INTS7: variants seen among roughly 807,000 people sequenced by gnomAD.
INTS7 encodes integrator complex subunit 7.
Under a neutral mutation model 109.2 loss-of-function variants are expected in INTS7, and 46 were observed. The ratio of observed to expected loss-of-function variants is 0.42; its 90% confidence interval spans 0.33 to 0.54. The LOEUF is 0.54. INTS7 is among the 20% of genes least tolerant of loss of function. The pLI is 0.07. For missense variants in INTS7, 929 were observed against 1,132.4 expected (o/e 0.82, Z 2.58); for synonymous variants, 412 against 402.9 (o/e 1.02, Z -0.27).
chr1:212,021,306 G>T, intron 1 of INTS7, 94 bp from the exon 2 acceptor site: 2 of 1,023,880 alleles, frequency 2.0e-6, no homozygotes, highest in Non-Finnish European at 2.8e-6. Context: ...AGATAGTAAA[G>T]AAATAATCAT....
chr1:211,962,488 A>G (rs1171151163), intron 16 of INTS7, among the ~76,000 whole-genome samples: 1 of 152,130 alleles, frequency 6.6e-6, no homozygotes, highest in African/African-American at 2.4e-5. Context: ...AAAATTACAA[A>G]GATATTCAGG....
In INTS7 at chr1:212,027,328, C is replaced by T. The variant is rs1270878083; in HGVS notation, c.95-6116G>A. On this transcript the variant is annotated intron_variant, in intron 1 of 19. Coordinates refer to ENST00000366994, the MANE Select transcript of INTS7 (RefSeq NM_015434.4). ...CAGTTCTAGTATAAGAGGGGCTAGA[C>T]ATTTTATTTGTATTGCTTGCTACAG... Among the ~76,000 whole-genome samples the T allele has an allele frequency of 2.6e-5, 4 of 152,184 alleles. No homozygotes were observed. The East Asian group carries it at 5.8e-4, about 22-fold the overall frequency.
intron 16 of INTS7, among the ~76,000 whole-genome samples, chr1:211,964,790 C>A (rs1381871735): frequency 6.6e-6 from 1 of 152,160 alleles, no homozygotes; most frequent in Non-Finnish European, 1.5e-5. Context: ...AAACTGGACC[C>A]CTTCCTTACA....
At chr1:211,945,775 C>CT (rs1394844100) in intron 18 of INTS7, among the ~76,000 whole-genome samples, 5 of 152,214 alleles carry the variant, frequency 3.3e-5, no homozygotes, top group African/African-American at 1.2e-4. Flanking sequence ...AATTTTCTCC[C>CT]TTTTCCAACA....
chr1:211,962,552 C>T lies in INTS7; in HGVS notation c.2183+3878G>A, dbSNP rs571388803. Among the ~76,000 whole-genome samples the T allele has an allele frequency of 6.6e-5, 10 of 152,256 alleles. 1 individual carries two copies. The highest frequency in any genetic ancestry group is 1.0e-4 in the Non-Finnish European group (7 of 68,012). ...CCTGATAGACATCTACAGAACTCTC[C>T]ACCCAAAAACAACAGAATATACATT... On this transcript the variant is annotated intron_variant, in intron 16 of 19. Transcript: ENST00000366994.
Position 212,020,253 on chromosome 1 carries a change from C to T in INTS7, c.240G>A (p.Arg80=). 1.9e-6 allele frequency: 3 copies of T among 1,576,790 alleles called. No homozygotes were observed. The highest frequency in any genetic ancestry group is 1.4e-5 in the African/African-American group (1 of 73,314). Reference sequence around the variant, plus strand: ...GTTGGGTAACTTTAAGAACACATAGCCTCAGGAAATTATTTCTAGAAAAAC... The same window carrying T: ...GTTGGGTAACTTTAAGAACACATAGTCTCAGGAAATTATTTCTAGAAAAAC... The part of the protein sequence containing the change: ...DVFRVGNNFL[R]LCVLKVTQQS... Residue 80 remains arginine (R), a synonymous_variant, in exon 3 of 20, where the codon AGG becomes AGA. Coordinates refer to ENST00000366994, the MANE Select transcript of INTS7 (RefSeq NM_015434.4).
chr1:211,977,088 ATAAAAT>A (rs1275701645), intron 11 of INTS7, among the ~76,000 whole-genome samples: 9 of 152,354 alleles, frequency 5.9e-5, no homozygotes, highest in East Asian at 1.9e-4. Flanking sequence ...TAAAGTTTAC[ATAAAAT>A]TAAAAATATG....
chr1:211,973,884 C>A (rs1337218996), intron 13 of INTS7, among the ~76,000 whole-genome samples: 1 of 152,094 alleles, frequency 6.6e-6, no homozygotes. Context: ...GGCCCAATGA[C>A]CCACCCAAAG....
chr1:212,021,800 A>G (rs1300042316), intron 1 of INTS7, among the ~76,000 whole-genome samples: 1 of 151,982 alleles, frequency 6.6e-6, no homozygotes, highest in Non-Finnish European at 1.5e-5. Context: ...GTGAGCTGTG[A>G]TTGTGTCACG....
chr1:212,020,789 T>C, intron 2 of INTS7: 8 of 948,960 alleles, frequency 8.4e-6, no homozygotes, highest in Non-Finnish European at 1.0e-5. Context: ...ATCAGAAACT[T>C]CTCAAAAACA....
At chr1:211,987,721 T>C (rs1217504545) in intron 8 of INTS7, among the ~76,000 whole-genome samples, 165 bp downstream of exon 8, 2 of 152,218 alleles carry the variant, frequency 1.3e-5, no homozygotes, top group East Asian at 1.9e-4. Flanking sequence ...GTTGTTATCA[T>C]AGGCATTAGT....
chr1:211,950,333 G>A (rs756218921), intron 17 of INTS7, among the ~76,000 whole-genome samples: 2 of 152,174 alleles, frequency 1.3e-5, no homozygotes, highest in Non-Finnish European at 2.9e-5. Flanking sequence ...GTGCAATGGC[G>A]TGATCTCGGC....
intron 4 of INTS7, among the ~76,000 whole-genome samples, chr1:212,016,621 C>A (rs1470928524): frequency 6.6e-6 from 1 of 152,202 alleles, no homozygotes; most frequent in Non-Finnish European, 1.5e-5. Context: ...CCCAATGAAG[C>A]CTTCTCCAAC....
At position 211,995,679 on chromosome 1, in the gene INTS7, A is replaced by G. The variant is rs573418726; in HGVS notation, c.880-7676T>C. On this transcript the variant is annotated intron_variant, in intron 7 of 19. Transcript: ENST00000366994. Reference sequence around the variant, plus strand: ...TCTGAATATTTGTGTCTCCCCGAAAATTCCTATGCTGAAATCCTAACCGCC... The same window carrying G: ...TCTGAATATTTGTGTCTCCCCGAAAGTTCCTATGCTGAAATCCTAACCGCC... 7.2e-5 allele frequency among the ~76,000 whole-genome samples: 11 copies of G among 152,296 alleles called. No homozygotes were observed. The South Asian group carries it at 1.0e-3, about 14-fold the overall frequency.
At position 211,942,183 on chromosome 1, in the gene INTS7, G is replaced by A. The variant is rs983003872; in HGVS notation, c.2602-72C>T. ...CAGTGCTTACTATGAGTTAGGCCCT[G>A]TTCTAAGAGCTTATTTAGACCATGC... On this transcript the variant is annotated intron_variant, in intron 19 of 19. Transcript: ENST00000366994. The surrounding 1 kb of genome is among the most constrained non-coding windows in gnomAD (Gnocchi z 4.2). 13 of 1,496,500 alleles carry A rather than the reference G, an allele frequency of 8.7e-6. No homozygotes were observed. In the African/African-American group the frequency reaches 9.7e-5, roughly 11 times the overall value. The allele number at this position is 1,496,500 out of a possible 1,614,324, so 92.7% of individuals were successfully genotyped here.
intron 4 of INTS7, 198 bp from the exon 5 acceptor site, chr1:212,011,619 T>A (rs188812823): frequency 3.5e-6 from 2 of 569,610 alleles, no homozygotes; most frequent in Admixed American, 7.0e-5. Context: ...CCAAATGGGC[T>A]ATGCCAACAC....
rs12402869 is a variant in INTS7 at position 212,008,891 on chromosome 1, G to A, written c.557-1442C>T. On this transcript the variant is annotated intron_variant, in intron 5 of 19. Coordinates refer to ENST00000366994, the MANE Select transcript of INTS7 (RefSeq NM_015434.4). ...TTTCTACCTCCGTTGTTACCATGCC[G>A]ATCCATTTCCACTACCATCTCTTGA... Among the ~76,000 whole-genome samples, 11 of 152,122 alleles carry A rather than the reference G, an allele frequency of 7.2e-5. No homozygotes were observed. In the South Asian group the frequency reaches 1.2e-3, roughly 17 times the overall value.
intron 1 of INTS7, among the ~76,000 whole-genome samples, chr1:212,032,510 T>C (rs1202554883): frequency 2.0e-5 from 3 of 151,594 alleles, no homozygotes; most frequent in Non-Finnish European, 1.5e-5. Context: ...ACAGTCTTGC[T>C]CTGTTGCCCA....
At chr1:212,000,527 C>T (rs546694195) in intron 7 of INTS7, among the ~76,000 whole-genome samples, 1 of 152,246 alleles carries the variant, frequency 6.6e-6, no homozygotes, top group South Asian at 2.1e-4. Flanking sequence ...AAAGGAAAAA[C>T]TAAAGAATAA....
Sources: gnomAD v4.1 joint callset for allele counts (sites outside exome capture counted in the v4.1 genomes callset) on GRCh38, gnomAD v4.1.1 for gene constraint, Gnocchi (gnomAD v3.1) non-coding constraint, MANE v1.5 for transcripts, NCBI Gene and HGNC (gene_info 2026-07-23, HGNC 2026-07-21) for gene names.